The following CDK14 variants were observed in gnomAD, a reference collection of about 807,000 sequenced individuals.
The protein encoded by CDK14 is cyclin dependent kinase 14.
CDK14 carries 34 observed loss-of-function variants against 60.7 expected under a neutral mutation model. That is an observed-to-expected ratio of 0.56 (90% CI 0.43 to 0.75). The LOEUF (loss-of-function observed/expected upper bound fraction) is 0.75. Among genes scored for constraint, CDK14 ranks in the 30% least tolerant of loss-of-function variants. The probability of loss-of-function intolerance (pLI) is 0.00; values close to 1 mark genes in which losing one functional copy is unlikely to be tolerated. For missense variants in CDK14, 482 were observed against 564.1 expected, an observed-to-expected ratio of 0.85 and a Z score of 1.47; for synonymous variants, 197 against 203.7, an observed-to-expected ratio of 0.97 and a Z score of 0.28.
At chr7:91,024,111 AATG>A (rs59410115) in intron 10 of CDK14, among the ~76,000 whole-genome samples, 54,082 of 149,192 alleles carry the variant, frequency 0.36, 9,833 homozygotes, top group African/African-American at 0.42. Flanking sequence ...ACCCATCCAA[AATG>A]ATGATGATGA....
intron 2 of CDK14, among the ~76,000 whole-genome samples, chr7:90,605,750 T>TA (rs1192320725): frequency 6.6e-6 from 1 of 152,222 alleles, no homozygotes; most frequent in Admixed American, 6.5e-5. Flanking sequence ...CTCCGTGTTT[T>TA]AAAAAAAGCA....
At chr7:90,605,288 G>A (rs1799394791) in intron 2 of CDK14, among the ~76,000 whole-genome samples, 1 of 152,100 alleles carries the variant, frequency 6.6e-6, no homozygotes, top group Non-Finnish European at 1.5e-5. Context: ...TGGCTGTCAC[G>A]GTCTGCTGCT....
chr7:91,110,398 C>G (rs1799437319), intron 12 of CDK14, among the ~76,000 whole-genome samples: 1 of 152,032 alleles, frequency 6.6e-6, no homozygotes, highest in Admixed American at 6.6e-5. Flanking sequence ...AACAGAGATA[C>G]AACTATAAGT....
At chr7:90,681,527 C>A (rs769343434) in intron 2 of CDK14, among the ~76,000 whole-genome samples, 1 of 152,174 alleles carries the variant, frequency 6.6e-6, no homozygotes, top group Non-Finnish European at 1.5e-5. Flanking sequence ...TGCCTGTGCA[C>A]TCACTGCTGC....
chr7:91,131,850 G>A (rs951905904), intron 14 of CDK14, among the ~76,000 whole-genome samples: 2 of 152,176 alleles, frequency 1.3e-5, no homozygotes, highest in East Asian at 1.9e-4. Flanking sequence ...ACTCGTTTAC[G>A]GTTTTATCCT....
chr7:90,772,878 G>T (rs1804847537), intron 4 of CDK14, among the ~76,000 whole-genome samples: 1 of 152,030 alleles, frequency 6.6e-6, no homozygotes, highest in Non-Finnish European at 1.5e-5. Context: ...GTAGAATGTT[G>T]TTCTTGGGAA....
chr7:90,769,714 A>C (rs1195251100), intron 4 of CDK14, among the ~76,000 whole-genome samples: 1 of 151,968 alleles, frequency 6.6e-6, no homozygotes, highest in Non-Finnish European at 1.5e-5. Context: ...CGATCCATCC[A>C]CCTTGGCCTC....
At chr7:90,621,530 C>T (rs1289011117) in intron 2 of CDK14, among the ~76,000 whole-genome samples, 1 of 152,204 alleles carries the variant, frequency 6.6e-6, no homozygotes, top group Non-Finnish European at 1.5e-5. Flanking sequence ...CTAGTAGGTG[C>T]TGAATAAAAG....
intron 6 of CDK14, among the ~76,000 whole-genome samples, chr7:90,889,584 A>G (rs958612631): frequency 3.3e-5 from 5 of 152,246 alleles, no homozygotes; most frequent in African/African-American, 1.2e-4. Flanking sequence ...TGGCTAATTT[A>G]ATTAGGCATA....
At chr7:90,787,276 T>G (rs1413952053) in intron 4 of CDK14, among the ~76,000 whole-genome samples, 2 of 152,200 alleles carry the variant, frequency 1.3e-5, no homozygotes, top group African/African-American at 4.8e-5. Flanking sequence ...GTGAGTGTTT[T>G]GAAACATGTC....
chr7:90,621,284 T>C (rs1306161311), intron 2 of CDK14, among the ~76,000 whole-genome samples: 3 of 152,212 alleles, frequency 2.0e-5, no homozygotes, highest in Non-Finnish European at 4.4e-5. Flanking sequence ...CTCATGTTTA[T>C]TGTCTGGCAG....
chr7:91,172,475 C>G (rs1174809626), intron 14 of CDK14, among the ~76,000 whole-genome samples: 1 of 152,222 alleles, frequency 6.6e-6, no homozygotes. Context: ...CTACTCCTTA[C>G]CACTGCCCAT....
chr7:91,093,169 G>A (rs77990973), intron 12 of CDK14, among the ~76,000 whole-genome samples: 4,802 of 152,242 alleles, frequency 0.032, 136 homozygotes, highest in Non-Finnish European at 0.043. Flanking sequence ...GTTCAGATGT[G>A]TGCGTGTCAC....
At chr7:90,785,118 C>T (rs540310442) in intron 4 of CDK14, among the ~76,000 whole-genome samples, 1 of 150,026 alleles carries the variant, frequency 6.7e-6, no homozygotes, top group East Asian at 2.4e-4. Context: ...CGCAGTTTCT[C>T]TTGAGACAAA....
intron 10 of CDK14, among the ~76,000 whole-genome samples, chr7:91,020,954 T>C (rs1173634849): frequency 2.0e-5 from 3 of 152,176 alleles, no homozygotes; most frequent in African/African-American, 4.8e-5. Flanking sequence ...ATAGAACTGA[T>C]GTCCCTAATT....
intron 2 of CDK14, among the ~76,000 whole-genome samples, chr7:90,726,122 C>T (rs181761173): frequency 4.6e-5 from 7 of 152,208 alleles, no homozygotes; most frequent in African/African-American, 1.7e-4. Context: ...ACATAATGCC[C>T]TTTCCTTCTC....
At chr7:90,605,777 C>T (rs934807828) in intron 2 of CDK14, among the ~76,000 whole-genome samples, 3 of 152,170 alleles carry the variant, frequency 2.0e-5, no homozygotes, top group Admixed American at 6.5e-5. Context: ...TATTATATCC[C>T]GCTTTTTTCT....
At position 91,204,549 on chromosome 7, in the gene CDK14, T is replaced by C. The variant is rs1802824354; in HGVS notation, c.*29-2616T>C. On this transcript the variant is annotated intron_variant, in intron 14 of 14. Transcript: ENST00000380050. Reference sequence around the variant, plus strand: ...GGATTAACCAGAATGTGTAAAGAACTCCTACAACTCAACAACGAAAAGACA... The same window carrying C: ...GGATTAACCAGAATGTGTAAAGAACCCCTACAACTCAACAACGAAAAGACA... Among the ~76,000 whole-genome samples the C allele has an allele frequency of 2.0e-5, 3 of 152,174 alleles. No individual in the cohort carries two copies. The South Asian group carries it at 6.2e-4, about 31-fold the overall frequency.
chr7:90,784,156 G>A (rs991165379), intron 4 of CDK14, among the ~76,000 whole-genome samples: 9 of 152,120 alleles, frequency 5.9e-5, no homozygotes, highest in Non-Finnish European at 8.8e-5. Flanking sequence ...CATTAACTTC[G>A]TAAATAAGCC....
Sources: allele counts gnomAD v4.1 joint callset (sites outside exome capture counted in the v4.1 genomes callset), GRCh38; gene constraint gnomAD v4.1.1; transcripts MANE v1.5; gene names NCBI Gene and HGNC (gene_info 2026-07-23, HGNC 2026-07-21).